Variants in SGCD observed in about 807,000 individuals in gnomAD.
SGCD encodes sarcoglycan delta, also known as delta-sarcoglycan.
A neutral mutation model predicts 36.6 loss-of-function variants in SGCD; 18 were observed. That is an observed-to-expected ratio of 0.49 (90% CI 0.34 to 0.73). SGCD has a LOEUF of 0.73. Ranked by LOEUF, SGCD falls within the 30% of genes least tolerant of loss-of-function variation. SGCD has a pLI of 0.01. For missense variants in SGCD, 387 were observed against 346.7 expected, an observed-to-expected ratio of 1.12 and a Z score of -0.92; for synonymous variants, 133 against 130.6, an observed-to-expected ratio of 1.02 and a Z score of -0.12.
chr5:155,931,309 T>A, intron 1 of SGCD, among the ~76,000 whole-genome samples: 1 of 152,182 alleles, frequency 6.6e-6, no homozygotes, highest in East Asian at 1.9e-4. Context: ...TTGAAAGAAG[T>A]AGCAACCATT....
At chr5:156,470,847 A>G (rs972864107) in intron 3 of SGCD, among the ~76,000 whole-genome samples, 8 of 152,170 alleles carry the variant, frequency 5.3e-5, no homozygotes, top group African/African-American at 1.9e-4. Flanking sequence ...TCCTTAAATA[A>G]ATATTTGGAA....
intron 1 of SGCD, among the ~76,000 whole-genome samples, chr5:155,962,697 C>T (rs945188926): frequency 5.9e-5 from 9 of 151,988 alleles, no homozygotes; most frequent in East Asian, 1.9e-4. Context: ...CTTTGAGAGC[C>T]GGTAGAATAG....
chr5:156,576,416 T>G (rs1361851201), intron 4 of SGCD, among the ~76,000 whole-genome samples: 1 of 152,204 alleles, frequency 6.6e-6, no homozygotes, highest in African/African-American at 2.4e-5. Context: ...GTAGCATGAT[T>G]TATAATCCTT....
chr5:155,871,880 C>T (rs1291403966), intron 1 of SGCD, among the ~76,000 whole-genome samples: 2 of 152,144 alleles, frequency 1.3e-5, no homozygotes, highest in East Asian at 3.9e-4. Context: ...AGAAGAAATA[C>T]ATCGTTAGAT....
intron 3 of SGCD, among the ~76,000 whole-genome samples, chr5:156,226,782 C>T (rs567144104): frequency 6.6e-6 from 1 of 152,148 alleles, no homozygotes; most frequent in East Asian, 1.9e-4. Context: ...TTTATTCTTA[C>T]CATTCTTGCA....
the SGCD span, among the ~76,000 whole-genome samples, chr5:155,791,509 C>T: frequency 6.6e-6 from 1 of 152,052 alleles, no homozygotes; most frequent in African/African-American, 2.4e-5. Context: ...CATAGAAAAC[C>T]CTTAAGACTC....
chr5:155,728,469 G>A, the SGCD span, among the ~76,000 whole-genome samples: 1 of 152,226 alleles, frequency 6.6e-6, no homozygotes, highest in South Asian at 2.1e-4. Flanking sequence ...GGGCACGGCG[G>A]ATTGAAGCGA....
chr5:156,339,713 T>C (rs1313851804), intron 2 of SGCD, among the ~76,000 whole-genome samples: 2 of 152,128 alleles, frequency 1.3e-5, no homozygotes, highest in African/African-American at 2.4e-5. Flanking sequence ...AACTTAAAAA[T>C]ACCTTACTGC....
At chr5:155,837,058 A>G in the SGCD span, among the ~76,000 whole-genome samples, 1 of 152,248 alleles carries the variant, frequency 6.6e-6, no homozygotes, top group Non-Finnish European at 1.5e-5. Flanking sequence ...AAATGGGATC[A>G]TACTTCACAT....
chr5:156,656,716 A>G (rs1207593569), intron 7 of SGCD, among the ~76,000 whole-genome samples: 1 of 152,202 alleles, frequency 6.6e-6, no homozygotes, highest in Non-Finnish European at 1.5e-5. Flanking sequence ...TTAATTTAGA[A>G]CTAAAAATTT....
intron 7 of SGCD, among the ~76,000 whole-genome samples, chr5:156,719,134 G>T (rs1281072475): frequency 6.6e-6 from 1 of 152,028 alleles, no homozygotes; most frequent in Non-Finnish European, 1.5e-5. Context: ...AAGGAATTGG[G>T]TCACACACTT....
At chr5:156,287,875 A>C (rs1052064862) in intron 3 of SGCD, among the ~76,000 whole-genome samples, 1 of 152,054 alleles carries the variant, frequency 6.6e-6, no homozygotes, top group African/African-American at 2.4e-5. Context: ...CTCCAGCCTG[A>C]GTGACAAAGT....
At chr5:155,761,741 A>G in the SGCD span, among the ~76,000 whole-genome samples, 2 of 144,264 alleles carry the variant, frequency 1.4e-5, no homozygotes, top group East Asian at 2.1e-4. Context: ...TGCCCTTTCC[A>G]TCACCTTCAT....
chr5:156,643,510 T>C (rs41073), intron 6 of SGCD, among the ~76,000 whole-genome samples: 139,616 of 152,060 alleles, frequency 0.92, 64,265 homozygotes, highest in East Asian at 0.98. Flanking sequence ...AGAGTTTATC[T>C]GATCAGTTAT....
chr5:156,254,378 C>A (rs1188272150), intron 3 of SGCD, among the ~76,000 whole-genome samples: 1 of 152,174 alleles, frequency 6.6e-6, no homozygotes, highest in Non-Finnish European at 1.5e-5. Context: ...TCCCCGCTCC[C>A]CTGGGAACTG....
At chr5:155,968,241 G>A (rs1226598396) in intron 1 of SGCD, among the ~76,000 whole-genome samples, 1 of 152,138 alleles carries the variant, frequency 6.6e-6, no homozygotes, top group Non-Finnish European at 1.5e-5. Context: ...AGCAGTACCT[G>A]AGACATTTCT....
At chr5:156,073,327 G>T (rs1428462602) in intron 1 of SGCD, among the ~76,000 whole-genome samples, 1 of 152,192 alleles carries the variant, frequency 6.6e-6, no homozygotes. Flanking sequence ...GGAGGCCAAG[G>T]TGGGAGGATT....
At chr5:156,687,431 G>A (rs1241341487) in intron 7 of SGCD, among the ~76,000 whole-genome samples, 2 of 152,144 alleles carry the variant, frequency 1.3e-5, no homozygotes, top group Non-Finnish European at 2.9e-5. Context: ...AGGATCATGA[G>A]ACAGAACAAA....
At chr5:156,473,240 T>C (rs1278949673) in intron 3 of SGCD, among the ~76,000 whole-genome samples, 2 of 152,220 alleles carry the variant, frequency 1.3e-5, no homozygotes, top group Non-Finnish European at 2.9e-5. Flanking sequence ...AGGCCACCAG[T>C]AGATGCCTGA....
Sources: allele counts gnomAD v4.1 joint callset (sites outside exome capture counted in the v4.1 genomes callset), GRCh38; gene constraint gnomAD v4.1.1; transcripts MANE v1.5; gene names NCBI Gene and HGNC (gene_info 2026-07-23, HGNC 2026-07-21).